ELAVL4: variants seen among roughly 807,000 people sequenced by gnomAD.
The protein encoded by ELAVL4 is ELAV-like protein 4.
In ELAVL4, 1 loss-of-function variant was observed where a neutral mutation model predicts 35.6. The observed-to-expected ratio is 0.03, with a 90% CI of 0.01 to 0.13. ELAVL4 has a LOEUF of 0.13. Among genes scored for constraint, ELAVL4 ranks in the 10% least tolerant of loss-of-function variants. ELAVL4 has a pLI of 1.00. For missense variants in ELAVL4, 267 were observed against 464.9 expected (o/e 0.57, Z 3.91); for synonymous variants, 156 against 171.0 (o/e 0.91, Z 0.69).
chr1:50,113,742 A>G (rs1253859514), intron 1 of ELAVL4, among the ~76,000 whole-genome samples: 1 of 152,090 alleles, frequency 6.6e-6, no homozygotes, highest in African/African-American at 2.4e-5. Flanking sequence ...TTTGAAAGTA[A>G]AGTCAACCTT....
At chr1:50,107,303 AG>A (rs1666415860), upstream of ELAVL4, among the ~76,000 whole-genome samples, 1 of 152,244 alleles carries the variant, frequency 6.6e-6, no homozygotes, top group Non-Finnish European at 1.5e-5. Context: ...AAGGAATTAT[AG>A]TTTTAACATT....
chr1:50,169,120 G>A (rs907914807), intron 2 of ELAVL4, among the ~76,000 whole-genome samples: 2 of 152,190 alleles, frequency 1.3e-5, no homozygotes, highest in South Asian at 2.1e-4. Context: ...GGAGTCCGAT[G>A]TTCAAGGGCA....
chr1:50,063,796 G>A (rs187694537), intron 1 of ELAVL4, among the ~76,000 whole-genome samples: 1 of 152,222 alleles, frequency 6.6e-6, no homozygotes, highest in East Asian at 1.9e-4. Flanking sequence ...TTCTCAGACT[G>A]TTAAATGTGG....
chr1:50,097,662 A>G (rs933130890), intron 1 of ELAVL4, among the ~76,000 whole-genome samples: 4 of 152,172 alleles, frequency 2.6e-5, no homozygotes, highest in African/African-American at 9.7e-5. Context: ...ACTGTGTATA[A>G]GGCCCATTGT....
At chr1:50,089,634 G>A (rs1665403402) in intron 1 of ELAVL4, among the ~76,000 whole-genome samples, 1 of 152,098 alleles carries the variant, frequency 6.6e-6, no homozygotes, top group Non-Finnish European at 1.5e-5. Flanking sequence ...ATGTGTCTGT[G>A]GTCCTGGCTA....
At chr1:50,171,287 T>G (rs900738284) in intron 2 of ELAVL4, among the ~76,000 whole-genome samples, 58 of 152,196 alleles carry the variant, frequency 3.8e-4, no homozygotes, top group African/African-American at 1.4e-3. Flanking sequence ...CTTGAGTAAC[T>G]GCCTGATGCC....
At chr1:50,103,845 A>G (rs1223444805), upstream of ELAVL4, 2 of 1,508,960 alleles carry the variant, frequency 1.3e-6, no homozygotes, top group Non-Finnish European at 1.8e-6. Flanking sequence ...TAATCCAGAC[A>G]GCCGGAACAG....
chr1:50,162,653 G>A (rs546353368), intron 2 of ELAVL4, among the ~76,000 whole-genome samples: 15 of 151,822 alleles, frequency 9.9e-5, no homozygotes, highest in African/African-American at 3.4e-4. Flanking sequence ...GTGTGATCTC[G>A]GCTCACTGCA....
upstream of ELAVL4, among the ~76,000 whole-genome samples, chr1:50,104,711 T>C (rs546776715): frequency 5.5e-4 from 84 of 152,356 alleles, no homozygotes; most frequent in African/African-American, 1.5e-3. Flanking sequence ...CATAGAATGG[T>C]GTTGCATGCT....
intron 1 of ELAVL4, among the ~76,000 whole-genome samples, chr1:50,058,786 T>TA (rs1663814539): frequency 6.6e-6 from 1 of 151,924 alleles, no homozygotes; most frequent in African/African-American, 2.4e-5. Flanking sequence ...TATTTTTTTT[T>TA]AGAGATGAGG....
In ELAVL4 at chr1:50,149,378, G is replaced by A. The variant is rs1452287521; in HGVS notation, c.250+4181G>A. Reference sequence around the variant, plus strand: ...GCGCTCCAGCCTGGGTAACAAGTACGAAACTCTGTCTCAAAAAAAAAAGAA... The same window carrying A: ...GCGCTCCAGCCTGGGTAACAAGTACAAAACTCTGTCTCAAAAAAAAAAGAA... On this transcript the variant is annotated intron_variant, in intron 2 of 6. Transcript: ENST00000371824. Among the ~76,000 whole-genome samples, 7 of 150,440 alleles carry A rather than the reference G, an allele frequency of 4.7e-5. No individual in the cohort carries two copies. In the East Asian group the frequency reaches 7.8e-4, roughly 17 times the overall value.
chr1:50,129,813 A>G (rs1025741775), intron 1 of ELAVL4, among the ~76,000 whole-genome samples: 16 of 152,160 alleles, frequency 1.1e-4, no homozygotes, highest in African/African-American at 3.6e-4. Context: ...CCTGCAGCAC[A>G]TTTTAATGGG....
chr1:50,187,903 C>G (rs1470495159), intron 3 of ELAVL4, among the ~76,000 whole-genome samples: 1 of 152,132 alleles, frequency 6.6e-6, no homozygotes, highest in African/African-American at 2.4e-5. Flanking sequence ...CGAGACCAAC[C>G]TGGCCAACAT....
At chr1:50,077,693 G>A (rs1664825333) in intron 1 of ELAVL4, among the ~76,000 whole-genome samples, 1 of 152,212 alleles carries the variant, frequency 6.6e-6, no homozygotes, top group Admixed American at 6.5e-5. Flanking sequence ...ATGCTGTTAA[G>A]TTTTAAAATA....
chr1:50,064,466 G>A (rs757663034), intron 1 of ELAVL4, among the ~76,000 whole-genome samples: 36 of 152,148 alleles, frequency 2.4e-4, no homozygotes, highest in Non-Finnish European at 3.8e-4. Context: ...TTGGCATGAC[G>A]TGGTAGTTGT....
chr1:50,130,730 T>C (rs376994789), intron 1 of ELAVL4, among the ~76,000 whole-genome samples: 9 of 152,286 alleles, frequency 5.9e-5, no homozygotes, highest in African/African-American at 1.7e-4. Context: ...CCTTCATATC[T>C]CTGGCATTCA....
chr1:50,113,358 C>T (rs567581544), intron 1 of ELAVL4, among the ~76,000 whole-genome samples: 1 of 151,976 alleles, frequency 6.6e-6, no homozygotes, highest in East Asian at 1.9e-4. Flanking sequence ...ATCTTAACAC[C>T]TTATTTTAAT....
chr1:50,079,688 G>C (rs1664924257), intron 1 of ELAVL4, among the ~76,000 whole-genome samples: 1 of 152,130 alleles, frequency 6.6e-6, no homozygotes, highest in African/African-American at 2.4e-5. Context: ...AAACCAAGTT[G>C]GTTAACCCAG....
At chr1:50,087,073 A>G (rs1665279485) in intron 1 of ELAVL4, among the ~76,000 whole-genome samples, 1 of 152,196 alleles carries the variant, frequency 6.6e-6, no homozygotes, top group South Asian at 2.1e-4. Context: ...TTAAAACTAA[A>G]GAAAATGAAC....
Sources: allele counts gnomAD v4.1 joint callset (sites outside exome capture counted in the v4.1 genomes callset), GRCh38; gene constraint gnomAD v4.1.1; transcripts MANE v1.5; gene names NCBI Gene and HGNC (gene_info 2026-07-23, HGNC 2026-07-21).